The following SPATA4 variants were observed in gnomAD, a reference collection of about 807,000 sequenced individuals.
The protein encoded by SPATA4 is spermatogenesis-associated protein 4.
Under a neutral mutation model 31.8 loss-of-function variants are expected in SPATA4, and 35 were observed. That is an observed-to-expected ratio of 1.10 (90% CI 0.84 to 1.46). The LOEUF is 1.46. SPATA4 is among the 40% of genes most tolerant of loss of function. The probability of loss-of-function intolerance (pLI) is 0.00; values close to 1 mark genes in which losing one functional copy is unlikely to be tolerated. For synonymous variants in SPATA4, 126 were observed against 132.4 expected (o/e 0.95, Z 0.33); for missense variants, 394 against 363.1 (o/e 1.09, Z -0.69).
At chr4:176,187,142 T>A (rs1579293946) in intron 5 of SPATA4, among the ~76,000 whole-genome samples, 2 of 152,160 alleles carry the variant, frequency 1.3e-5, no homozygotes, top group Non-Finnish European at 2.9e-5. Flanking sequence ...ATTTGCTAAA[T>A]CTGGCAACTC....
At chr4:176,189,746 GAC>G (rs1246483127) in intron 4 of SPATA4, among the ~76,000 whole-genome samples, 1 of 152,184 alleles carries the variant, frequency 6.6e-6, no homozygotes, top group Non-Finnish European at 1.5e-5. Flanking sequence ...GAAAAGAACA[GAC>G]TACTCAAAAC....
In SPATA4 at chr4:176,192,805, A is replaced by G. The variant is rs2291244; in HGVS notation, c.510T>C (p.Tyr170=). 0.18 allele frequency: 291,837 copies of G among 1,613,688 alleles called. 27,602 individuals carry two copies. Among genetic ancestry groups the G allele is most frequent in the East Asian group, 0.34 (15,112 of 44,868 alleles). ...IQDDFVNFTD[Y]SYQMRLPLVS... Reference sequence around the variant, plus strand: ...CCAGGGGTAAACGCATCTGGTAGCTATAGTCCGTGAAATTCACAAAGTCAT... The same window carrying G: ...CCAGGGGTAAACGCATCTGGTAGCTGTAGTCCGTGAAATTCACAAAGTCAT... The change falls in exon 4 of 6, where the codon TAT becomes TAC. Residue 170 remains tyrosine (Y), a synonymous_variant. Coordinates refer to ENST00000280191, the MANE Select transcript of SPATA4 (RefSeq NM_144644.4).
intron 5 of SPATA4, among the ~76,000 whole-genome samples, chr4:176,185,978 G>T (rs1752435716): frequency 1.3e-5 from 2 of 152,134 alleles, no homozygotes; most frequent in African/African-American, 4.8e-5. Context: ...GAGCAGTAGA[G>T]AATAAAATGG....
intron 4 of SPATA4, among the ~76,000 whole-genome samples, chr4:176,191,369 C>T (rs1394946938): frequency 1.3e-5 from 2 of 152,206 alleles, no homozygotes; most frequent in Non-Finnish European, 2.9e-5. Context: ...GCTGGGATTA[C>T]AGGCGTGAGC....
At chr4:176,188,750 TC>T (rs1752482687) in intron 4 of SPATA4, among the ~76,000 whole-genome samples, 1 of 152,244 alleles carries the variant, frequency 6.6e-6, no homozygotes. Flanking sequence ...TAAAATTATT[TC>T]CATGTTTCCC....
chr4:176,193,195 C>CAATTTAAT, intron 2 of SPATA4, 119 bp from the exon 3 acceptor site: 1 of 778,946 alleles, frequency 1.3e-6, no homozygotes. Context: ...GTGTTTAACA[C>CAATTTAAT]GTTAGTTATT....
In SPATA4 at chr4:176,188,813, G is replaced by A. The variant is rs572896630; in HGVS notation, c.689-578C>T. On this transcript the variant is annotated intron_variant, in intron 4 of 5. Coordinates refer to ENST00000280191, the MANE Select transcript of SPATA4 (RefSeq NM_144644.4). ...ACTGAAATACTTGAGCAATTTCCTT[G>A]TGCTTCTAAAGATCACTTCCTCCTC... Among the ~76,000 whole-genome samples, 29 of 152,018 alleles carry A rather than the reference G, an allele frequency of 1.9e-4. 1 individual carries two copies. The South Asian group carries it at 6.0e-3, about 32-fold the overall frequency.
intron 5 of SPATA4, among the ~76,000 whole-genome samples, chr4:176,186,539 A>G (rs1489239267): frequency 6.6e-6 from 1 of 152,230 alleles, no homozygotes; most frequent in Admixed American, 6.5e-5. Flanking sequence ...AGGTGAAACT[A>G]TGGATGCATT....
chr4:176,191,707 T>A (rs1752536260), intron 4 of SPATA4, among the ~76,000 whole-genome samples: 1 of 152,146 alleles, frequency 6.6e-6, no homozygotes, highest in African/African-American at 2.4e-5. Context: ...TATTCATGAA[T>A]TTATGAGTAA....
rs747191877 is a variant in SPATA4 at position 176,188,153 on chromosome 4, T to C, written c.771A>G (p.Leu257=). 1 of 1,613,624 alleles carries C rather than the reference T, an allele frequency of 6.2e-7. No homozygotes were observed. Among genetic ancestry groups the C allele is most frequent in the Non-Finnish European group, 8.5e-7 (1 of 1,179,838 alleles). Residue 257 remains leucine, a synonymous_variant, in exon 5 of 6, where the codon TTA becomes TTG. Coordinates refer to ENST00000280191, the MANE Select transcript of SPATA4 (RefSeq NM_144644.4). ...GGACAACTCTTCCTCTTTTAACTTT[T>C]AAATTATATCTGCGCCCAGAGGCTT... ...PAQASGRRYN[L]KVKRGRVVPV... is the part of the protein sequence containing the mutation.
intron 1 of SPATA4, chr4:176,195,019 A>T (rs759070733): frequency 1.1e-5 from 3 of 263,992 alleles, no homozygotes; most frequent in Non-Finnish European, 2.2e-5. Context: ...TACAGGCATG[A>T]GCAACTGTGC....
intron 4 of SPATA4, among the ~76,000 whole-genome samples, chr4:176,190,838 G>T (rs1219782084): frequency 6.6e-6 from 1 of 152,052 alleles, no homozygotes; most frequent in Non-Finnish European, 1.5e-5. Flanking sequence ...GATCAGGTCT[G>T]CCTGAATAAG....
rs559664763 is a variant in SPATA4, at chr4:176,189,225, A to G, written c.689-990T>C. On this transcript the variant is annotated intron_variant, in intron 4 of 5. Transcript: ENST00000280191. ...TAGACAACGAACTGAAAGGAGGTGA[A>G]GGGGTGGCAGCGAGGGATCAGTGTC... 1.6e-3 allele frequency among the ~76,000 whole-genome samples: 247 copies of G among 152,326 alleles called. 1 individual carries two copies. Among genetic ancestry groups the G allele is most frequent in the Middle Eastern group, 0.01 (3 of 294 alleles).
At chr4:176,185,811 A>G (rs1406595649) in intron 5 of SPATA4, among the ~76,000 whole-genome samples, 1 of 152,232 alleles carries the variant, frequency 6.6e-6, no homozygotes. Flanking sequence ...CTGGAACAGG[A>G]TTGAGACAAG....
chr4:176,187,287 T>C (rs1752458258), intron 5 of SPATA4, among the ~76,000 whole-genome samples: 1 of 152,130 alleles, frequency 6.6e-6, no homozygotes, highest in African/African-American at 2.4e-5. Context: ...GAACTTGAAT[T>C]TCATAGCATT....
At chr4:176,190,819 G>A (rs1024147225) in intron 4 of SPATA4, among the ~76,000 whole-genome samples, 1 of 152,062 alleles carries the variant, frequency 6.6e-6, no homozygotes, top group African/African-American at 2.4e-5. Flanking sequence ...CTAAGGGTTT[G>A]TGTGATTAGA....
In SPATA4 at chr4:176,184,758, A is replaced by C. The variant is rs1561237788; in HGVS notation, c.*22T>G. 1 of 1,487,822 alleles carries C rather than the reference A, an allele frequency of 6.7e-7. No homozygotes were observed. Among genetic ancestry groups the C allele is most frequent in the Admixed American group, 1.9e-5 (1 of 52,004 alleles). 92.2% of individuals were successfully genotyped at this position (1,487,822 alleles called of 1,614,324 possible). A position where few individuals can be genotyped will look rare whatever the true frequency, so the allele number is the denominator to read the frequency against. The stretch of plus-strand genomic sequence containing the variant: ...CTAGAGATGGTGGCATCACTTCTTC[A>C]AAGCCATTTGACAGGTGCTTTTCAA... On this transcript the variant is annotated 3_prime_UTR_variant, in exon 6 of 6. Transcript: ENST00000280191.
At chr4:176,195,019 A>G in intron 1 of SPATA4, 5 of 264,110 alleles carry the variant, frequency 1.9e-5, no homozygotes, top group Non-Finnish European at 3.7e-5. Context: ...TACAGGCATG[A>G]GCAACTGTGC....
chr4:176,193,691 G>T, intron 1 of SPATA4, 109 bp from the exon 2 acceptor site: 1 of 1,175,534 alleles, frequency 8.5e-7, no homozygotes, highest in Middle Eastern at 3.0e-4. Context: ...ATCTTGTAAA[G>T]TGAGTGTTGT....
Sources: allele counts gnomAD v4.1 joint callset (sites outside exome capture counted in the v4.1 genomes callset), GRCh38; gene constraint gnomAD v4.1.1; transcripts MANE v1.5; gene names NCBI Gene and HGNC (gene_info 2026-07-23, HGNC 2026-07-21).